The following MYO15A variants were observed in gnomAD, a reference collection of about 807,000 sequenced individuals.
MYO15A encodes the protein myosin XVA, also known as unconventional myosin-XV.
Under a neutral mutation model 394.6 loss-of-function variants are expected in MYO15A, and 308 were observed. The observed-to-expected ratio is 0.78, with a 90% CI of 0.71 to 0.86. MYO15A has a LOEUF of 0.86. Ranked by LOEUF, MYO15A falls within the 40% of genes least tolerant of loss-of-function variation. The probability of loss-of-function intolerance (pLI) is 0.00; values close to 1 mark genes in which losing one functional copy is unlikely to be tolerated. For missense variants in MYO15A, 4,606 were observed against 4,799.1 expected, an observed-to-expected ratio of 0.96 and a Z score of 1.19; for synonymous variants, 1,957 against 2,003.8, an observed-to-expected ratio of 0.98 and a Z score of 0.62.
At position 18,143,956 on chromosome 17, in the gene MYO15A, A is replaced by G. The variant is rs370765029; in HGVS notation, c.6133A>G (p.Ile2045Val). The change falls in exon 28 of 66, where the codon ATC (isoleucine) becomes GTC (valine). Residue 2045 changes from isoleucine to valine, a missense_variant. Ile to Val is a conservative substitution (Grantham distance 29). Transcript: ENST00000647165. ...GCCCCGTGTCACACTGCCCCTGGAC[A>G]TCAACAACTATCCTATGGCCAAGTT... ...AEPRVTLPLD[I>V]NNYPMAKFVQ... 8.7e-6 allele frequency: 14 copies of G among 1,612,988 alleles called. No individual in the cohort carries two copies. The highest frequency in any genetic ancestry group is 1.1e-5 in the Non-Finnish European group (13 of 1,179,844).
Position 18,120,794 on chromosome 17 carries a change from T to C in MYO15A, c.1994T>C (p.Val665Ala). Residue 665 changes from valine to alanine, a missense_variant, in exon 2 of 66, where the codon GTG becomes GCG. Around this residue, in one of 2 missense-constraint regions of MYO15A, gnomAD observed 1,830 missense variants for 1,689.7 expected, o/e 1.08. Transcript: ENST00000647165. ...TGGAGCGCGCTCCTGTCTCCGCCCGTGCCCCCGCGGCCCCCAAGCTCCGGG... is the reference window on the plus strand; with the variant it reads ...TGGAGCGCGCTCCTGTCTCCGCCCGCGCCCCCGCGGCCCCCAAGCTCCGGG... ...SHWSALLSPP[V>A]PPRPPSSGPP... 7.5e-7 allele frequency: 1 copy of C among 1,327,944 alleles called. No homozygotes were observed. Among genetic ancestry groups the C allele is most frequent in the Non-Finnish European group, 9.6e-7 (1 of 1,043,642 alleles). The allele number at this position is 1,327,944 out of a possible 1,614,324, so 82.3% of individuals were successfully genotyped here.
Position 18,121,643 on chromosome 17 carries a change from G to A in MYO15A, c.2843G>A (p.Gly948Asp). 1 of 1,604,636 alleles carries A rather than the reference G, an allele frequency of 6.2e-7. No individual in the cohort carries two copies. Among genetic ancestry groups the A allele is most frequent in the Non-Finnish European group, 8.5e-7 (1 of 1,175,530 alleles). Reference sequence around the variant, plus strand: ...CCCTCCCCCTGGCCAGGAGGTGCAGGCAGCCGCCGAGGCTTTTCCAGGCCA... The same window carrying A: ...CCCTCCCCCTGGCCAGGAGGTGCAGACAGCCGCCGAGGCTTTTCCAGGCCA... ...RPPSPWPGGAGSRRGFSRPPP... is the reference protein window; with the variant it reads ...RPPSPWPGGADSRRGFSRPPP... Residue 948 changes from glycine to aspartate, a missense_variant, in exon 2 of 66, where the codon GGC (glycine) becomes GAC (aspartate). Transcript: ENST00000647165. This position sits in a 1 kb window ranked among gnomAD's most constrained non-coding sequence, Gnocchi z 5.3.
Position 18,120,299 on chromosome 17 carries a change from C to T in MYO15A, c.1499C>T (p.Ser500Phe). 2 of 1,612,200 alleles carry T rather than the reference C, an allele frequency of 1.2e-6. No homozygotes were observed. The highest frequency in any genetic ancestry group is 1.7e-6 in the Non-Finnish European group (2 of 1,179,986). Residue 500 changes from serine to phenylalanine, a missense_variant, in exon 2 of 66, where the codon TCT becomes TTT. Physicochemically the swap from Ser to Phe is radical, Grantham distance 155. Around this residue, in one of 2 missense-constraint regions of MYO15A, gnomAD observed 1,830 missense variants for 1,689.7 expected, o/e 1.08. Coordinates refer to ENST00000647165, the MANE Select transcript of MYO15A (RefSeq NM_016239.4). ...AAGCTGGAGGTGCCCCTGCCACCCT[C>T]TCTGGACATTCCTCTCCCCTTGGGG... is the stretch of plus-strand genomic sequence containing the variant. ...KEKLEVPLPP[S>F]LDIPLPLGDA...
At chr17:18,169,970 CAAA>C (rs202026399) in intron 62 of MYO15A, among the ~76,000 whole-genome samples, 659 of 59,672 alleles carry the variant, frequency 0.011, 1 homozygote, top group African/African-American at 0.033. Context: ...GACCCTGTCT[CAAA>C]AAAAAAAAAA....
At chr17:18,135,393 G>A (rs1382542243) in intron 12 of MYO15A, among the ~76,000 whole-genome samples, 1 of 152,080 alleles carries the variant, frequency 6.6e-6, no homozygotes, top group Admixed American at 6.5e-5. Flanking sequence ...CCAGGCTGGA[G>A]TGCAATGGCA....
intron 28 of MYO15A, 47 bp from the exon 29 acceptor site, chr17:18,144,450 C>A: frequency 6.9e-7 from 1 of 1,445,244 alleles, no homozygotes; most frequent in Non-Finnish European, 9.3e-7. Context: ...TCCAGATGTG[C>A]CTGTCAGTCC....
intron 59 of MYO15A, among the ~76,000 whole-genome samples, 174 bp from the exon 60 acceptor site, chr17:18,163,568 C>T (rs996447023): frequency 4.6e-5 from 7 of 152,266 alleles, no homozygotes; most frequent in African/African-American, 1.4e-4. Flanking sequence ...TCTCAGACCA[C>T]AAGCTGTGTT....
chr17:18,112,902 C>T (rs1176085397), intron 1 of MYO15A, among the ~76,000 whole-genome samples: 1 of 151,672 alleles, frequency 6.6e-6, no homozygotes, highest in East Asian at 1.9e-4. Context: ...GACCGGAGTG[C>T]AGTAGCATGA....
chr17:18,158,789 T>A (rs2046728669), intron 52 of MYO15A, 136 bp from the exon 53 acceptor site: 1 of 1,380,278 alleles, frequency 7.2e-7, no homozygotes, highest in Admixed American at 1.7e-5. Context: ...AGTGCCTGCC[T>A]CTGGGGGTCT....
intron 54 of MYO15A, 91 bp downstream of exon 54, chr17:18,159,438 A>G: frequency 6.6e-7 from 1 of 1,526,026 alleles, no homozygotes; most frequent in Non-Finnish European, 9.1e-7. Flanking sequence ...CCTGATCTTC[A>G]GATTCTTTCC....
chr17:18,144,552 C>A lies in MYO15A; in HGVS notation c.6233C>A (p.Pro2078Gln). ...CTGAGGACACCCCTCACGCAGCTGC[C>A]AGCCGAGCACCATGCAGAAGCCGTG... ...VPLRTPLTQL[P>Q]AEHHAEAVSI... Residue 2078 changes from proline to glutamine, a missense_variant, in exon 29 of 66, where the codon CCA (proline) becomes CAA (glutamine). Pro to Gln is a moderately conservative substitution (Grantham distance 76). Transcript: ENST00000647165. The A allele has an allele frequency of 6.2e-7, 1 of 1,613,230 alleles. No homozygotes were observed. Among genetic ancestry groups the A allele is most frequent in the South Asian group, 1.1e-5 (1 of 91,080 alleles).
chr17:18,157,467 T>C, intron 50 of MYO15A: 1 of 890,274 alleles, frequency 1.1e-6, no homozygotes, highest in South Asian at 1.6e-5. Context: ...TCTCTTTATG[T>C]CTCCACATGA....
chr17:18,174,136 C>T (rs1470578779), intron 65 of MYO15A, among the ~76,000 whole-genome samples: 1 of 152,286 alleles, frequency 6.6e-6, no homozygotes, highest in South Asian at 2.1e-4. Context: ...AGTACGGAGC[C>T]ATAGAAGGTT....
At chr17:18,144,476 T>C (rs959956534) in intron 28 of MYO15A, 21 bp from the exon 29 acceptor site, 2 of 1,607,104 alleles carry the variant, frequency 1.2e-6, no homozygotes, top group African/African-American at 2.7e-5. Flanking sequence ...TGTCTGCTCA[T>C]GTGCCTGCCC....
chr17:18,138,625 C>T (rs1468748317), intron 17 of MYO15A, among the ~76,000 whole-genome samples, 186 bp from the exon 18 acceptor site: 1 of 152,214 alleles, frequency 6.6e-6, no homozygotes, highest in African/African-American at 2.4e-5. Flanking sequence ...AGGGACCACT[C>T]AGGCCTCCAG....
intron 52 of MYO15A, 114 bp from the exon 53 acceptor site, chr17:18,158,811 A>G: frequency 7.2e-7 from 1 of 1,393,140 alleles, no homozygotes; most frequent in Non-Finnish European, 1.0e-6. Context: ...CGTGACCGGT[A>G]GACTGATCAG....
chr17:18,145,696 CAG>C (rs1482595711), intron 29 of MYO15A, among the ~76,000 whole-genome samples, 174 bp from the exon 30 acceptor site: 2 of 152,102 alleles, frequency 1.3e-5, no homozygotes, highest in African/African-American at 2.4e-5. Context: ...GTCTGGGTGA[CAG>C]AGACTCCATC....
In MYO15A at chr17:18,121,495, G is replaced by A. The variant is rs1317841083; in HGVS notation, c.2695G>A (p.Ala899Thr). The A allele has an allele frequency of 3.9e-6, 6 of 1,552,038 alleles. No homozygotes were observed. The highest frequency in any genetic ancestry group is 1.4e-5 in the African/African-American group (1 of 73,144). Residue 899 changes from alanine to threonine, a missense_variant, in exon 2 of 66, where the codon GCC becomes ACC. Around this residue, in one of 2 missense-constraint regions of MYO15A, gnomAD observed 1,830 missense variants for 1,689.7 expected, o/e 1.08. Transcript: ENST00000647165. The surrounding 1 kb of genome is among the most constrained non-coding windows in gnomAD (Gnocchi z 5.3). Reference sequence around the variant, plus strand: ...CTTCCACCGACCGCCCAGGGCCGGGGCCTGGCGGGCGCCCCTGGAACACCG... The same window carrying A: ...CTTCCACCGACCGCCCAGGGCCGGGACCTGGCGGGCGCCCCTGGAACACCG... ...LPFHRPPRAG[A>T]WRAPLEHRES...
intron 7 of MYO15A, among the ~76,000 whole-genome samples, chr17:18,130,008 T>C (rs997799808): frequency 5.3e-5 from 8 of 152,190 alleles, no homozygotes; most frequent in Non-Finnish European, 1.2e-4. Context: ...GCCTCCCAAG[T>C]AGCTGGGACT....
Sources: allele counts gnomAD v4.1 joint callset (sites outside exome capture counted in the v4.1 genomes callset), GRCh38; gene constraint gnomAD v4.1.1; regional missense constraint gnomAD v4.1.1; non-coding constraint Gnocchi (gnomAD v3.1); transcripts MANE v1.5; gene names NCBI Gene and HGNC (gene_info 2026-07-23, HGNC 2026-07-21).